XKR9: variants seen among roughly 807,000 people sequenced by gnomAD.
XKR9 encodes the protein XK related 9.
Under a neutral mutation model 32.0 loss-of-function variants are expected in XKR9, and 32 were observed. The observed-to-expected ratio is 1.00, with a 90% CI of 0.76 to 1.34. The LOEUF (loss-of-function observed/expected upper bound fraction) is 1.34. Among genes scored for constraint, XKR9 ranks in the 40% most tolerant of loss-of-function variants. The probability of loss-of-function intolerance (pLI) is 0.00; values close to 1 mark genes in which losing one functional copy is unlikely to be tolerated. For synonymous variants in XKR9, 168 were observed against 143.4 expected (o/e 1.17, Z -1.22); for missense variants, 546 against 429.7 (o/e 1.27, Z -2.39).
intron 2 of XKR9, among the ~76,000 whole-genome samples, chr8:70,754,512 C>G (rs975655354): frequency 1.5e-4 from 22 of 143,048 alleles, no homozygotes; most frequent in Admixed American, 4.8e-4. Context: ...TGACTTCAAA[C>G]TATACTATAA....
the XKR9 span, among the ~76,000 whole-genome samples, chr8:70,820,015 G>A: frequency 6.6e-6 from 1 of 152,146 alleles, no homozygotes; most frequent in Non-Finnish European, 1.5e-5. Flanking sequence ...AGCACTGATA[G>A]AGTTCAGAAC....
chr8:70,804,128 C>T, the XKR9 span, among the ~76,000 whole-genome samples: 2 of 152,220 alleles, frequency 1.3e-5, no homozygotes, highest in African/African-American at 4.8e-5. Flanking sequence ...GCAGGTATAT[C>T]CTGGGACATT....
the XKR9 span, among the ~76,000 whole-genome samples, chr8:70,957,047 C>T: frequency 6.6e-6 from 1 of 152,242 alleles, no homozygotes; most frequent in Non-Finnish European, 1.5e-5. Flanking sequence ...TGCACCTCAC[C>T]CGCTGCAGCC....
chr8:70,845,629 A>G, the XKR9 span, among the ~76,000 whole-genome samples: 6 of 152,330 alleles, frequency 3.9e-5, no homozygotes, highest in Admixed American at 3.3e-4. Flanking sequence ...GAAAAGAAGA[A>G]TTCAATGAAT....
chr8:70,683,538 C>A lies in XKR9; in HGVS notation c.272+2208C>A, dbSNP rs554978828. The A allele has an allele frequency of 3.1e-5, 14 of 450,862 alleles. No homozygotes were observed. In the East Asian group the frequency reaches 7.9e-4, roughly 25 times the overall value. The allele number at this position is 450,862 out of a possible 1,614,324, so 27.9% of individuals were successfully genotyped here. On this transcript the variant is annotated intron_variant, in intron 3 of 4. Transcript: ENST00000408926. ...GGCCTTGCTCTGTCACCCAGGCTGG[C>A]CTGCAGTGGCGCCTTCCCAGCTCAT... is the stretch of plus-strand genomic sequence containing the variant.
intron 2 of XKR9, among the ~76,000 whole-genome samples, chr8:70,750,728 A>G (rs1807127995): frequency 6.6e-6 from 1 of 152,178 alleles, no homozygotes; most frequent in African/African-American, 2.4e-5. Flanking sequence ...AACTTTTCTA[A>G]TCTTTAACTA....
At chr8:70,843,558 A>G in the XKR9 span, among the ~76,000 whole-genome samples, 1 of 152,204 alleles carries the variant, frequency 6.6e-6, no homozygotes, top group South Asian at 2.1e-4. Flanking sequence ...GAGAGCACTG[A>G]AATTCAACAG....
the XKR9 span, among the ~76,000 whole-genome samples, chr8:70,847,207 A>G: frequency 6.6e-6 from 1 of 152,102 alleles, no homozygotes; most frequent in African/African-American, 2.4e-5. Context: ...AACAGTATAA[A>G]TACTTGGAAA....
chr8:70,931,688 G>A, the XKR9 span, among the ~76,000 whole-genome samples: 4 of 152,172 alleles, frequency 2.6e-5, no homozygotes, highest in South Asian at 8.3e-4. Flanking sequence ...TCTGGTGAGA[G>A]CCTCAGGGAG....
the XKR9 span, among the ~76,000 whole-genome samples, chr8:70,870,482 T>C: frequency 6.6e-6 from 1 of 152,202 alleles, no homozygotes; most frequent in Admixed American, 6.5e-5. Flanking sequence ...TGGTGGGACT[T>C]TTTCTTTGCT....
At chr8:70,802,539 A>T in the XKR9 span, among the ~76,000 whole-genome samples, 1 of 152,168 alleles carries the variant, frequency 6.6e-6, no homozygotes, top group Non-Finnish European at 1.5e-5. Flanking sequence ...GCTGGTTATT[A>T]TGCAGCCTTG....
chr8:70,684,652 A>T (rs113007904), intron 3 of XKR9, among the ~76,000 whole-genome samples: 10,819 of 151,106 alleles, frequency 0.072, 439 homozygotes, highest in Non-Finnish European at 0.088. Context: ...TTACAAGAAA[A>T]AAACAAACAA....
At chr8:70,700,419 A>G (rs1805477685) in intron 3 of XKR9, among the ~76,000 whole-genome samples, 1 of 152,194 alleles carries the variant, frequency 6.6e-6, no homozygotes, top group South Asian at 2.1e-4. Flanking sequence ...CCTCAGCTGC[A>G]GGTCTGTTGG....
chr8:70,989,117 T>C, the XKR9 span, among the ~76,000 whole-genome samples: 1 of 152,334 alleles, frequency 6.6e-6, no homozygotes, highest in East Asian at 1.9e-4. Context: ...AAGCCTGCAA[T>C]GGATGAACAT....
the XKR9 span, among the ~76,000 whole-genome samples, chr8:70,869,889 C>G: frequency 6.6e-6 from 1 of 152,160 alleles, no homozygotes; most frequent in Non-Finnish European, 1.5e-5. Context: ...TGGCACTGGT[C>G]TGAGAGGTAG....
chr8:70,787,603 T>G (rs188844623), intron 2 of XKR9, among the ~76,000 whole-genome samples: 64 of 152,196 alleles, frequency 4.2e-4, no homozygotes, highest in African/African-American at 1.3e-3. Context: ...TAACAGTGCT[T>G]TGTTAATCTG....
chr8:70,755,366 C>T (rs1275300092), intron 2 of XKR9, among the ~76,000 whole-genome samples: 4 of 152,130 alleles, frequency 2.6e-5, no homozygotes, highest in Non-Finnish European at 5.9e-5. Context: ...CCTCAGGGAT[C>T]TAGAACTAGA....
chr8:70,915,131 TACC>T, the XKR9 span, among the ~76,000 whole-genome samples: 19 of 152,210 alleles, frequency 1.2e-4, no homozygotes, highest in Non-Finnish European at 2.2e-4. Flanking sequence ...TGAGCCAGTT[TACC>T]AATCTGGGTG....
the XKR9 span, among the ~76,000 whole-genome samples, chr8:70,836,447 T>G: frequency 2.6e-5 from 4 of 152,072 alleles, no homozygotes; most frequent in Non-Finnish European, 5.9e-5. Flanking sequence ...ATGTACATTT[T>G]GTGTCTAGTT....
Sources: allele counts gnomAD v4.1 joint callset (sites outside exome capture counted in the v4.1 genomes callset), GRCh38; gene constraint gnomAD v4.1.1; transcripts MANE v1.5; gene names NCBI Gene and HGNC (gene_info 2026-07-23, HGNC 2026-07-21).